Variants in DENND5B observed in about 807,000 individuals in gnomAD.
The protein encoded by DENND5B is DENN domain containing 5B.
A neutral mutation model predicts 140.6 loss-of-function variants in DENND5B; 34 were observed. The observed-to-expected ratio is 0.24, with a 90% confidence interval of 0.18 to 0.32. The LOEUF is 0.32. Among genes scored for constraint, DENND5B ranks in the 10% least tolerant of loss-of-function variants. The pLI, the probability that DENND5B is intolerant of heterozygous loss-of-function variation, is 1.00. For missense variants in DENND5B, 1,142 were observed against 1,560.2 expected, an observed-to-expected ratio of 0.73 and a Z score of 4.52; for synonymous variants, 551 against 562.1, an observed-to-expected ratio of 0.98 and a Z score of 0.28.
chr12:31,520,644 G>A (rs942877403), intron 1 of DENND5B, among the ~76,000 whole-genome samples: 4 of 151,966 alleles, frequency 2.6e-5, no homozygotes, highest in African/African-American at 7.3e-5. Context: ...GGGTTCAAGC[G>A]ATTCTCCTGC....
At chr12:31,457,244 C>T (rs1040672441) in intron 4 of DENND5B, among the ~76,000 whole-genome samples, 2 of 152,200 alleles carry the variant, frequency 1.3e-5, no homozygotes, top group Admixed American at 6.5e-5. Context: ...AATTAATCTT[C>T]AGTGCCTTCC....
chr12:31,590,503 G>C (rs1023804725), intron 1 of DENND5B: 32 of 600,248 alleles, frequency 5.3e-5, no homozygotes, highest in Non-Finnish European at 7.1e-5. Flanking sequence ...CGAAAGCCCC[G>C]GTGGGCGCAG....
At chr12:31,586,756 G>C (rs1417780847) in intron 1 of DENND5B, among the ~76,000 whole-genome samples, 2 of 152,194 alleles carry the variant, frequency 1.3e-5, no homozygotes, top group Non-Finnish European at 2.9e-5. Flanking sequence ...GCAACTGGTA[G>C]AATTTATGTT....
At chr12:31,466,198 C>G (rs946999737) in intron 3 of DENND5B, among the ~76,000 whole-genome samples, 1 of 151,740 alleles carries the variant, frequency 6.6e-6, no homozygotes, top group Admixed American at 6.6e-5. Context: ...ACTAAAAACA[C>G]AAAAATTAGT....
intron 8 of DENND5B, among the ~76,000 whole-genome samples, chr12:31,431,093 T>C (rs1274965767): frequency 6.6e-6 from 1 of 152,238 alleles, no homozygotes; most frequent in Non-Finnish European, 1.5e-5. Flanking sequence ...AGTCTAGAAG[T>C]AACCCCAGAT....
chr12:31,499,973 G>A (rs1946939915), intron 1 of DENND5B, among the ~76,000 whole-genome samples: 1 of 152,178 alleles, frequency 6.6e-6, no homozygotes, highest in African/African-American at 2.4e-5. Context: ...AGGAATATTA[G>A]GAGAAAGCTA....
intron 7 of DENND5B, among the ~76,000 whole-genome samples, chr12:31,437,308 G>A (rs1002079785): frequency 1.3e-5 from 2 of 152,016 alleles, no homozygotes; most frequent in Non-Finnish European, 2.9e-5. Context: ...CTAATTTTTT[G>A]TATTTTTAGT....
At chr12:31,426,108 T>G (rs1361622467) in intron 9 of DENND5B, among the ~76,000 whole-genome samples, 185 bp downstream of exon 9, 4 of 152,254 alleles carry the variant, frequency 2.6e-5, no homozygotes. Flanking sequence ...TCATTGATTC[T>G]GTGGGGAATG....
At chr12:31,550,039 G>A (rs1252552668) in intron 1 of DENND5B, among the ~76,000 whole-genome samples, 1 of 151,508 alleles carries the variant, frequency 6.6e-6, no homozygotes, top group Non-Finnish European at 1.5e-5. Flanking sequence ...ATCATAAAAG[G>A]CCATTCTTTT....
intron 19 of DENND5B, 128 bp from the exon 20 acceptor site, chr12:31,389,626 A>C: frequency 3.6e-6 from 3 of 825,238 alleles, no homozygotes; most frequent in Non-Finnish European, 5.3e-6. Context: ...AGCCAATATC[A>C]TTACTTTATC....
Position 31,433,121 on chromosome 12 carries a change from G to C in DENND5B, c.2106+34C>G, listed in dbSNP as rs202212443. On this transcript the variant is annotated intron_variant, in intron 8 of 20. Coordinates refer to ENST00000389082, the MANE Select transcript of DENND5B (RefSeq NM_144973.4). ...GGAATAAGCCTAGTTCATGGCGCTT[G>C]CTGTGAGGCACCCCAGGAAGGTAGA... 155 of 1,578,052 alleles carry C rather than the reference G, an allele frequency of 9.8e-5. 1 individual carries two copies. The African/African-American group carries it at 1.7e-3, about 18-fold the overall frequency.
intron 11 of DENND5B, 57 bp from the exon 12 acceptor site, chr12:31,415,505 C>A: frequency 7.4e-7 from 1 of 1,357,136 alleles, no homozygotes; most frequent in South Asian, 1.3e-5. Context: ...ATACATGGTT[C>A]ATATTAAATA....
At chr12:31,496,166 T>C (rs1478788883) in intron 1 of DENND5B, among the ~76,000 whole-genome samples, 4 of 152,202 alleles carry the variant, frequency 2.6e-5, no homozygotes, top group Non-Finnish European at 5.9e-5. Flanking sequence ...AATCAAAATA[T>C]GGTAATATAA....
At chr12:31,527,670 C>A (rs369281169) in intron 1 of DENND5B, among the ~76,000 whole-genome samples, 2 of 151,964 alleles carry the variant, frequency 1.3e-5, no homozygotes, top group Non-Finnish European at 2.9e-5. Context: ...CCCAGCTACT[C>A]GGGAGGCTGA....
chr12:31,511,023 G>C (rs1270363567), intron 1 of DENND5B, among the ~76,000 whole-genome samples: 1 of 152,128 alleles, frequency 6.6e-6, no homozygotes, highest in East Asian at 1.9e-4. Flanking sequence ...CTTGAGCCCA[G>C]GAGTTTGAGA....
In DENND5B at chr12:31,495,861, G is replaced by C. The variant is rs752776690; in HGVS notation, c.186C>G (p.His62Gln). The C allele has an allele frequency of 6.2e-7, 1 of 1,613,288 alleles. No homozygotes were observed. Among genetic ancestry groups the C allele is most frequent in the Admixed American group, 1.7e-5 (1 of 59,904 alleles). ...GGTTCCATTCTATATTCTGAGGATA[G>C]TGGGCGAGAACTTTGGATTTGAATG... is the stretch of plus-strand genomic sequence containing the variant. ...RRTFKSKVLA[H>Q]YPQNIEWNPF... Residue 62 changes from histidine (H) to glutamine (Q), a missense_variant, in exon 2 of 21, where the codon CAC (histidine) becomes CAG (glutamine). By Grantham distance (24) the His-to-Gln change is conservative. Around this residue, in one of 5 missense-constraint regions of DENND5B, gnomAD observed 708 missense variants for 905.5 expected, o/e 0.78. Coordinates refer to ENST00000389082, the MANE Select transcript of DENND5B (RefSeq NM_144973.4).
intron 1 of DENND5B, among the ~76,000 whole-genome samples, chr12:31,570,363 G>A (rs1316620413): frequency 2.8e-5 from 4 of 145,240 alleles, no homozygotes; most frequent in African/African-American, 5.1e-5. Flanking sequence ...TACAAGCTCC[G>A]CCTCCTGGGT....
chr12:31,450,480 CAG>C (rs1178247066), intron 5 of DENND5B, among the ~76,000 whole-genome samples: 1 of 152,138 alleles, frequency 6.6e-6, no homozygotes, highest in Non-Finnish European at 1.5e-5. Context: ...CCTCAGCCTC[CAG>C]AGTCATTGGG....
At chr12:31,471,603 G>C (rs1320509364) in intron 3 of DENND5B, among the ~76,000 whole-genome samples, 1 of 151,312 alleles carries the variant, frequency 6.6e-6, no homozygotes, top group East Asian at 1.9e-4. Flanking sequence ...TTGAACTCCT[G>C]CCCTCAACAG....
Sources: gnomAD v4.1 joint callset for allele counts (sites outside exome capture counted in the v4.1 genomes callset) on GRCh38, gnomAD v4.1.1 for gene constraint, gnomAD v4.1.1 regional missense constraint, MANE v1.5 for transcripts, NCBI Gene and HGNC (gene_info 2026-07-23, HGNC 2026-07-21) for gene names.